Variants in MIA2 observed in about 807,000 individuals in gnomAD.
MIA2 encodes the protein melanoma inhibitory activity protein 2.
In MIA2, 127 loss-of-function variants were observed where a neutral mutation model predicts 167.8. That is an observed-to-expected ratio of 0.76 (90% confidence interval 0.66 to 0.88). The LOEUF (loss-of-function observed/expected upper bound fraction) is 0.88. Among genes scored for constraint, MIA2 ranks in the 40% least tolerant of loss-of-function variants. MIA2 has a pLI of 0.00. For missense variants in MIA2, 1,690 were observed against 1,624.7 expected (o/e 1.04, Z -0.69); for synonymous variants, 552 against 541.9 (o/e 1.02, Z -0.26).
intron 9 of MIA2, among the ~76,000 whole-genome samples, chr14:39,288,459 ATATATATATATATATATT>A (rs2060185332): frequency 5.8e-5 from 1 of 17,284 alleles, no homozygotes; most frequent in Non-Finnish European, 1.4e-4. Context: ...ATATATATAT[ATATATATATATATATATT>A]TTTTTTTTTT....
chr14:39,375,996 C>T (rs1292904609), intron 23 of MIA2, among the ~76,000 whole-genome samples: 2 of 152,120 alleles, frequency 1.3e-5, no homozygotes, highest in East Asian at 1.9e-4. Flanking sequence ...CTCTGTTGCC[C>T]AGGCTGGAGT....
chr14:39,242,658 G>T (rs566847773), intron 3 of MIA2, among the ~76,000 whole-genome samples: 1 of 152,094 alleles, frequency 6.6e-6, no homozygotes, highest in East Asian at 1.9e-4. Flanking sequence ...TTTTTCTGTT[G>T]TTTACTGCAG....
chr14:39,269,030 T>G (rs2056582709), intron 6 of MIA2: 1 of 984,206 alleles, frequency 1.0e-6, no homozygotes, highest in African/African-American at 1.8e-5. Flanking sequence ...CAGCCAGATT[T>G]TGCAGTTTTC....
chr14:39,283,309 C>T (rs1366281644), intron 9 of MIA2, among the ~76,000 whole-genome samples: 1 of 152,172 alleles, frequency 6.6e-6, no homozygotes, highest in Non-Finnish European at 1.5e-5. Context: ...TAGGAGTCTC[C>T]ATACTACTTT....
Position 39,345,911 on chromosome 14 carries a change from A to G in MIA2, c.3663A>G (p.Ser1221=). The G allele has an allele frequency of 1.2e-6, 2 of 1,610,212 alleles. No individual in the cohort carries two copies. Among genetic ancestry groups the G allele is most frequent in the Non-Finnish European group, 1.7e-6 (2 of 1,178,482 alleles). The change falls in exon 26 of 29, where the codon TCA becomes TCG. Residue 1221 remains serine, a synonymous_variant. Coordinates refer to ENST00000640607, the MANE Select transcript of MIA2 (RefSeq NM_001329214.4). ...TAAAAACTTATTTTCTAGGACAATCATATCCTGATTCAGCCCTTCCTCCAC... is the reference window on the plus strand; with the variant it reads ...TAAAAACTTATTTTCTAGGACAATCGTATCCTGATTCAGCCCTTCCTCCAC... The part of the protein sequence containing the change: ...RRMMFPPPGQ[S]YPDSALPPQR...
At chr14:39,255,283 C>T (rs1446670314) in intron 6 of MIA2, among the ~76,000 whole-genome samples, 1 of 151,980 alleles carries the variant, frequency 6.6e-6, no homozygotes, top group South Asian at 2.1e-4. Context: ...CAAAGTGGGC[C>T]GATCAGTTGA....
At position 39,319,248 on chromosome 14, in the gene MIA2, A is replaced by G; in HGVS notation, c.3324A>G (p.Lys1108=). The G allele has an allele frequency of 6.4e-7, 1 of 1,573,274 alleles. No homozygotes were observed. The highest frequency in any genetic ancestry group is 8.6e-7 in the Non-Finnish European group (1 of 1,157,756). Residue 1108 remains lysine, a synonymous_variant, in exon 23 of 29, where the codon AAA becomes AAG. Coordinates refer to ENST00000640607, the MANE Select transcript of MIA2 (RefSeq NM_001329214.4). ...AGCTTAAATTTGAACTTTTAGAAAAAGATCCTTATGCACTCGATGTTCCAA... is the reference window on the plus strand; with the variant it reads ...AGCTTAAATTTGAACTTTTAGAAAAGGATCCTTATGCACTCGATGTTCCAA... ...ETELKFELLE[K]DPYALDVPNT...
At chr14:39,337,208 T>C (rs963034932) in intron 25 of MIA2, among the ~76,000 whole-genome samples, 3 of 152,174 alleles carry the variant, frequency 2.0e-5, no homozygotes, top group Non-Finnish European at 4.4e-5. Context: ...ATGCAAACAT[T>C]AATCGAAAGA....
chr14:39,363,614 C>T (rs1370125250), intron 23 of MIA2, among the ~76,000 whole-genome samples: 3 of 152,142 alleles, frequency 2.0e-5, no homozygotes, highest in East Asian at 1.9e-4. Context: ...TGTTTAAGTC[C>T]GTAACTATTA....
intron 6 of MIA2, among the ~76,000 whole-genome samples, chr14:39,272,266 C>T (rs907660339): frequency 1.3e-4 from 20 of 152,184 alleles, no homozygotes; most frequent in African/African-American, 4.1e-4. Context: ...GCAGGAGAAT[C>T]GCTTGAACCC....
At chr14:39,258,511 C>T (rs558445261) in intron 6 of MIA2, among the ~76,000 whole-genome samples, 134 of 152,228 alleles carry the variant, frequency 8.8e-4, no homozygotes, top group African/African-American at 2.8e-3. Context: ...TCTTGGCTTC[C>T]TTGCACTGGG....
downstream of MIA2, among the ~76,000 whole-genome samples, chr14:39,351,939 C>T (rs1456924783): frequency 2.0e-5 from 3 of 152,070 alleles, no homozygotes; most frequent in South Asian, 2.1e-4. Context: ...AATCCAGTGT[C>T]GTAATTCCTG....
Position 39,350,578 on chromosome 14 carries a change from A to G in MIA2, c.*314A>G, listed in dbSNP as rs1468592343. The G allele has an allele frequency of 1.3e-5, 3 of 230,860 alleles. No homozygotes were observed. Among genetic ancestry groups the G allele is most frequent in the East Asian group, 1.8e-4 (2 of 10,990 alleles). 14.3% of individuals were successfully genotyped at this position (230,860 alleles called of 1,614,324 possible). A position where few individuals can be genotyped will look rare whatever the true frequency, so the allele number is the denominator to read the frequency against. The stretch of plus-strand genomic sequence containing the variant: ...TGAAGTCTGTGTCTTTATGCCAAGA[A>G]CTGTATTTACTGTGGTTGTGGACAA... On this transcript the variant is annotated 3_prime_UTR_variant, in exon 29 of 29. Transcript: ENST00000640607.
At chr14:39,349,186 A>G (rs1238799689) in intron 28 of MIA2, among the ~76,000 whole-genome samples, 1 of 152,194 alleles carries the variant, frequency 6.6e-6, no homozygotes, top group African/African-American at 2.4e-5. Context: ...TCATCTTAAT[A>G]ATATAGAATT....
intron 23 of MIA2, 32 bp from the exon 24 acceptor site, chr14:39,320,896 T>G: frequency 1.2e-6 from 2 of 1,603,178 alleles, no homozygotes; most frequent in Non-Finnish European, 1.7e-6. Context: ...AGTGAAACTA[T>G]GAATTTAAAT....
chr14:39,314,749 A>G lies in MIA2; in HGVS notation c.3130A>G (p.Lys1044Glu). The change falls in exon 20 of 29, where the codon AAA becomes GAA. Residue 1044 changes from lysine to glutamate, a missense_variant. By Grantham distance (56) the Lys-to-Glu change is moderately conservative. Coordinates refer to ENST00000640607, the MANE Select transcript of MIA2 (RefSeq NM_001329214.4). ...ATTCGTTCCATTTAGAAAGCGAGCCAAAGATCTTGAAGAAGAATTGGAGAG... is the reference window on the plus strand; with the variant it reads ...ATTCGTTCCATTTAGAAAGCGAGCCGAAGATCTTGAAGAAGAATTGGAGAG... ...EELETYRKRA[K>E]DLEEELERTI... is the part of the protein sequence containing the mutation. 1 of 1,609,406 alleles carries G rather than the reference A, an allele frequency of 6.2e-7. No homozygotes were observed. Among genetic ancestry groups the G allele is most frequent in the Non-Finnish European group, 8.5e-7 (1 of 1,177,374 alleles).
intron 12 of MIA2, among the ~76,000 whole-genome samples, chr14:39,294,381 A>G (rs1259477247): frequency 1.3e-5 from 2 of 152,018 alleles, no homozygotes; most frequent in Non-Finnish European, 2.9e-5. Context: ...TATTTTTAGT[A>G]GAGGCAGGGT....
intron 23 of MIA2, among the ~76,000 whole-genome samples, chr14:39,359,992 G>GTTTT (rs58076493): frequency 2.3e-5 from 3 of 128,818 alleles, no homozygotes; most frequent in Non-Finnish European, 3.3e-5. Context: ...TCTGCAGCAT[G>GTTTT]TTTTTTTTTT....
At chr14:39,265,162 T>C in intron 6 of MIA2, 1 of 248,344 alleles carries the variant, frequency 4.0e-6, no homozygotes, top group Non-Finnish European at 6.5e-6. Flanking sequence ...TGTGTGAGTA[T>C]ATATATATAT....
Sources: allele counts gnomAD v4.1 joint callset (sites outside exome capture counted in the v4.1 genomes callset), GRCh38; gene constraint gnomAD v4.1.1; transcripts MANE v1.5; gene names NCBI Gene and HGNC (gene_info 2026-07-23, HGNC 2026-07-21).